Variants in TCF12 observed in about 807,000 individuals in gnomAD.
TCF12 encodes DNA-binding protein HTF4.
TCF12 carries 45 observed loss-of-function variants against 86.0 expected under a neutral mutation model. The observed-to-expected ratio is 0.52, with a 90% CI of 0.41 to 0.67. The LOEUF (loss-of-function observed/expected upper bound fraction) is 0.67, where lower values mean the gene tolerates loss of function less well. TCF12 is among the 30% of genes least tolerant of loss of function. TCF12 has a pLI of 0.00. For missense variants in TCF12, 881 were observed against 859.9 expected (o/e 1.02, Z -0.31); for synonymous variants, 330 against 299.6 (o/e 1.10, Z -1.05).
Position 57,243,459 on chromosome 15 carries a change from G to C in TCF12, c.1036-13G>C. 1 of 1,610,786 alleles carries C rather than the reference G, an allele frequency of 6.2e-7. No homozygotes were observed. Among genetic ancestry groups the C allele is most frequent in the Non-Finnish European group, 8.5e-7 (1 of 1,177,552 alleles). On this transcript the variant is annotated splice_polypyrimidine_tract_variant and intron_variant, in intron 12 of 20. Coordinates refer to ENST00000333725, the MANE Select transcript of TCF12 (RefSeq NM_207037.2). ...ACATGTTGATACATGTATATTTCTT[G>C]TTTTCTGGTTAGATTTATTCTCCTG...
At chr15:57,043,459 G>A (rs1465679079) in intron 3 of TCF12, among the ~76,000 whole-genome samples, 5 of 152,094 alleles carry the variant, frequency 3.3e-5, no homozygotes, top group Non-Finnish European at 7.4e-5. Flanking sequence ...TATGTTGTGT[G>A]TGTGTGTTTT....
At chr15:57,123,605 C>CT (rs1224177992) in intron 5 of TCF12, among the ~76,000 whole-genome samples, 6 of 151,562 alleles carry the variant, frequency 4.0e-5, no homozygotes, top group Non-Finnish European at 5.9e-5. Context: ...CCTCAGCCTC[C>CT]TGAGTAGATG....
chr15:57,041,522 A>T (rs1039475974), intron 3 of TCF12, among the ~76,000 whole-genome samples: 2 of 152,224 alleles, frequency 1.3e-5, no homozygotes, highest in Non-Finnish European at 2.9e-5. Flanking sequence ...TAATGTGTAT[A>T]TACTGCAGAA....
At chr15:57,047,560 G>A (rs149310608) in intron 3 of TCF12, among the ~76,000 whole-genome samples, 3 of 152,294 alleles carry the variant, frequency 2.0e-5, no homozygotes, top group Admixed American at 6.5e-5. Context: ...GCCTTGAGCA[G>A]CAATTGATTA....
At chr15:57,153,012 T>C (rs1413356032) in intron 5 of TCF12, among the ~76,000 whole-genome samples, 2 of 152,200 alleles carry the variant, frequency 1.3e-5, no homozygotes, top group African/African-American at 4.8e-5. Context: ...CTTCAGAAAC[T>C]TTGCAGGCAA....
chr15:57,032,307 T>C (rs1192580017), intron 3 of TCF12, among the ~76,000 whole-genome samples: 1 of 152,160 alleles, frequency 6.6e-6, no homozygotes, highest in Non-Finnish European at 1.5e-5. Flanking sequence ...GAACTGACAT[T>C]GGAACTGCAA....
At chr15:57,111,248 C>T (rs956836921) in intron 5 of TCF12, among the ~76,000 whole-genome samples, 1 of 151,934 alleles carries the variant, frequency 6.6e-6, no homozygotes, top group Non-Finnish European at 1.5e-5. Context: ...TGTCCAGATC[C>T]CAGTGAGTTT....
intron 4 of TCF12, among the ~76,000 whole-genome samples, chr15:57,068,750 G>C (rs1330160286): frequency 6.6e-6 from 1 of 152,108 alleles, no homozygotes; most frequent in Non-Finnish European, 1.5e-5. Context: ...GGTATTAATG[G>C]TAATAATAAG....
chr15:57,131,561 G>A (rs1391644465), intron 5 of TCF12, among the ~76,000 whole-genome samples: 1 of 152,120 alleles, frequency 6.6e-6, no homozygotes, highest in Non-Finnish European at 1.5e-5. Flanking sequence ...CCTCATAAAA[G>A]CAATCACTCA....
chr15:57,072,091 G>C (rs1670515227), intron 4 of TCF12, among the ~76,000 whole-genome samples: 1 of 152,164 alleles, frequency 6.6e-6, no homozygotes, highest in Non-Finnish European at 1.5e-5. Context: ...AGGTGAAAGA[G>C]TGACAAAAAA....
chr15:57,018,467 A>T (rs77483724), intron 3 of TCF12, among the ~76,000 whole-genome samples: 3 of 151,412 alleles, frequency 2.0e-5, no homozygotes, highest in Non-Finnish European at 4.4e-5. Flanking sequence ...ATTTATTTTT[A>T]TTTTTATTTT....
In TCF12 at chr15:57,220,566, G is replaced by A. The variant is rs1250269632; in HGVS notation, c.580-10586G>A. Among the ~76,000 whole-genome samples, 3 of 152,064 alleles carry A rather than the reference G, an allele frequency of 2.0e-5. No individual in the cohort carries two copies. The East Asian group carries it at 5.8e-4, about 29-fold the overall frequency. On this transcript the variant is annotated intron_variant, in intron 8 of 20. Transcript: ENST00000333725. ...TCTGGTTGATTTATAGCAAGCACATGACTAGGTGTTTTAAAATAATACTTT... is the reference window on the plus strand; with the variant it reads ...TCTGGTTGATTTATAGCAAGCACATAACTAGGTGTTTTAAAATAATACTTT...
chr15:57,194,111 GA>G (rs1305019068), intron 7 of TCF12, among the ~76,000 whole-genome samples: 1 of 152,126 alleles, frequency 6.6e-6, no homozygotes, highest in African/African-American at 2.4e-5. Context: ...AGTTCAGGGG[GA>G]AAATTAGTTA....
chr15:57,080,511 G>T (rs1276785898), intron 4 of TCF12, among the ~76,000 whole-genome samples: 1 of 152,134 alleles, frequency 6.6e-6, no homozygotes. Context: ...TTAACAAGCC[G>T]TTTTGCATTC....
intron 3 of TCF12, among the ~76,000 whole-genome samples, chr15:56,943,487 G>A (rs565423420): frequency 6.6e-6 from 1 of 152,280 alleles, no homozygotes; most frequent in South Asian, 2.1e-4. Context: ...ATAGGCCCTT[G>A]TACAGGGCAC....
intron 5 of TCF12, among the ~76,000 whole-genome samples, chr15:57,165,500 A>G (rs1175310739): frequency 3.9e-5 from 6 of 152,062 alleles, no homozygotes; most frequent in Admixed American, 3.3e-4. Flanking sequence ...GATAATGGTT[A>G]TCCAGAGGTG....
At position 57,203,526 on chromosome 15, in the gene TCF12, TTC is replaced by T. The variant is rs372827876; in HGVS notation, c.579+5703_579+5704del. Reference sequence around the variant, plus strand: ...CCAAATACCTAAAGTTGTATTCTTGTTCTATGGCAATTGAAAATACCTTTTTC... The same window carrying T: ...CCAAATACCTAAAGTTGTATTCTTGTTATGGCAATTGAAAATACCTTTTTC... On this transcript the variant is annotated intron_variant, in intron 8 of 20. Coordinates refer to ENST00000333725, the MANE Select transcript of TCF12 (RefSeq NM_207037.2). Among the ~76,000 whole-genome samples the T allele has an allele frequency of 1.3e-3, 195 of 152,330 alleles. 5 individuals carry two copies. The East Asian group carries it at 0.023, about 18-fold the overall frequency.
At position 57,177,450 on chromosome 15, in the gene TCF12, C is replaced by T. The variant is rs564268290; in HGVS notation, c.390+10984C>T. Among the ~76,000 whole-genome samples, 148 of 151,572 alleles carry T rather than the reference C, an allele frequency of 9.8e-4. 1 individual carries two copies. The highest frequency in any genetic ancestry group is 3.3e-3 in the African/African-American group (136 of 41,360). On this transcript the variant is annotated intron_variant, in intron 6 of 20. Coordinates refer to ENST00000333725, the MANE Select transcript of TCF12 (RefSeq NM_207037.2). The stretch of plus-strand genomic sequence containing the variant: ...ACACCCAGATAACTTTTTGTATTTT[C>T]GGTAGAGAGGGGGTTTCACCATGTT...
chr15:56,943,695 C>T (rs1245817923), intron 3 of TCF12, among the ~76,000 whole-genome samples: 1 of 152,170 alleles, frequency 6.6e-6, no homozygotes, highest in Non-Finnish European at 1.5e-5. Context: ...AAGCGAGTCT[C>T]ATGGACAGTG....
Sources: allele counts gnomAD v4.1 joint callset (sites outside exome capture counted in the v4.1 genomes callset), GRCh38; gene constraint gnomAD v4.1.1; transcripts MANE v1.5; gene names NCBI Gene and HGNC (gene_info 2026-07-23, HGNC 2026-07-21).